The following ITPRIP variants were observed in gnomAD, a reference collection of about 807,000 sequenced individuals.
ITPRIP encodes inositol 1,4,5-trisphosphate receptor interacting protein.
A neutral mutation model predicts 35.8 loss-of-function variants in ITPRIP; 32 were observed. The observed-to-expected ratio is 0.89, with a 90% CI of 0.68 to 1.20. The LOEUF (loss-of-function observed/expected upper bound fraction) is 1.20. Ranked by LOEUF, ITPRIP falls within the 50% of genes most tolerant of loss-of-function variation. The pLI is 0.00. For missense variants in ITPRIP, 653 were observed against 735.6 expected (o/e 0.89, Z 1.30); for synonymous variants, 358 against 324.0 (o/e 1.11, Z -1.13).
In ITPRIP at chr10:104,331,170, G is replaced by A. The variant is rs2014139480; in HGVS notation, c.-14+7076C>T. Among the ~76,000 whole-genome samples, 3 of 152,226 alleles carry A rather than the reference G, an allele frequency of 2.0e-5. 1 individual carries two copies. The highest frequency in any genetic ancestry group is 4.4e-5 in the Non-Finnish European group (3 of 68,032). On this transcript the variant is annotated intron_variant, in intron 1 of 1. Transcript: ENST00000337478. ...GACACTGGCAGGTAGGCATGTGTTG[G>A]GGTGAAATGTCAGGAAGCGGCATGG...
At chr10:104,322,454 C>G (rs1019515089) in intron 1 of ITPRIP, among the ~76,000 whole-genome samples, 8 of 152,348 alleles carry the variant, frequency 5.3e-5, no homozygotes, top group African/African-American at 1.7e-4. Flanking sequence ...CAACTTGTTA[C>G]AAATGCAAAT....
In ITPRIP at chr10:104,313,431, T is replaced by C; in HGVS notation, c.*977A>G. On this transcript the variant is annotated 3_prime_UTR_variant, in exon 2 of 2. Coordinates refer to ENST00000337478, the MANE Select transcript of ITPRIP (RefSeq NM_001272013.2). ...CACAGCCTCTGGGAGTGCCATGGCC[T>C]CAGGTGCCTTGTGGTTGCCAATGAA... is the stretch of plus-strand genomic sequence containing the variant. 1 of 985,912 alleles carries C rather than the reference T, an allele frequency of 1.0e-6. No homozygotes were observed. Among genetic ancestry groups the C allele is most frequent in the Non-Finnish European group, 1.2e-6 (1 of 830,102 alleles). 61.1% of individuals were successfully genotyped at this position (985,912 alleles called of 1,614,324 possible).
At position 104,311,610 on chromosome 10, in the gene ITPRIP, A is replaced by T. The variant is rs905911931; in HGVS notation, c.*2798T>A. The T allele has an allele frequency of 6.6e-6, 1 of 152,206 alleles. No individual in the cohort carries two copies. Among genetic ancestry groups the T allele is most frequent in the African/African-American group, 2.4e-5 (1 of 41,452 alleles). 9.4% of individuals were successfully genotyped at this position (152,206 alleles called of 1,614,324 possible). A position where few individuals can be genotyped will look rare whatever the true frequency, so the allele number is the denominator to read the frequency against. ...TTTGAGGATATAAGGCCCTTCCCCA[A>T]CATAACCAGCCTCTTGGCCTAGGGG... is the stretch of plus-strand genomic sequence containing the variant. On this transcript the variant is annotated 3_prime_UTR_variant, in exon 2 of 2. Coordinates refer to ENST00000337478, the MANE Select transcript of ITPRIP (RefSeq NM_001272013.2).
At chr10:104,327,890 G>A (rs981159989) in intron 1 of ITPRIP, among the ~76,000 whole-genome samples, 8 of 152,324 alleles carry the variant, frequency 5.3e-5, no homozygotes, top group East Asian at 1.9e-4. Context: ...GCCCCGTGTC[G>A]CCCTGGTGTG....
At chr10:104,317,626 T>C (rs2013724887) in intron 1 of ITPRIP, among the ~76,000 whole-genome samples, 1 of 152,184 alleles carries the variant, frequency 6.6e-6, no homozygotes, top group African/African-American at 2.4e-5. Flanking sequence ...TGCAAATCAG[T>C]TGAGGTCCTG....
At chr10:104,325,005 C>T (rs1183824231) in intron 1 of ITPRIP, among the ~76,000 whole-genome samples, 1 of 152,180 alleles carries the variant, frequency 6.6e-6, no homozygotes, top group Non-Finnish European at 1.5e-5. Flanking sequence ...ATCGCCTGAG[C>T]TCAGGAGTTC....
At chr10:104,323,129 G>A (rs561334432) in intron 1 of ITPRIP, among the ~76,000 whole-genome samples, 4 of 152,304 alleles carry the variant, frequency 2.6e-5, no homozygotes, top group African/African-American at 9.6e-5. Flanking sequence ...AGAAGAGGCA[G>A]GCTGGGTATC....
Position 104,313,463 on chromosome 10 carries a change from ATAGAGT to A in ITPRIP, c.*939_*944del. On this transcript the variant is annotated 3_prime_UTR_variant, in exon 2 of 2. Transcript: ENST00000337478. ...CCTTGTGGTTGCCAATGAAGAAGTG[ATAGAGT>A]TTCTTTTCCAGCTGTCCTTTGCCAC... is the stretch of plus-strand genomic sequence containing the variant. 3 of 985,754 alleles carry A rather than the reference ATAGAGT, an allele frequency of 3.0e-6. No homozygotes were observed. Among genetic ancestry groups the A allele is most frequent in the Non-Finnish European group, 3.6e-6 (3 of 830,148 alleles). 61.1% of individuals were successfully genotyped at this position (985,754 alleles called of 1,614,324 possible).
chr10:104,315,387 A>G lies in ITPRIP; in HGVS notation c.665T>C (p.Phe222Ser). Residue 222 changes from phenylalanine (F) to serine (S), a missense_variant, in exon 2 of 2, where the codon TTC becomes TCC. Coordinates refer to ENST00000337478, the MANE Select transcript of ITPRIP (RefSeq NM_001272013.2). The surrounding 1 kb of genome is among the most constrained non-coding windows in gnomAD (Gnocchi z 5.7). The stretch of plus-strand genomic sequence containing the variant: ...GCCGGAGCACCAGAGCTCTGGGTGG[A>G]AGCGGTAGGGCTCGGGGGGTGTGAA... ...VPFTPPEPYR[F>S]HPELWCSGRS... The G allele has an allele frequency of 6.4e-7, 1 of 1,568,488 alleles. No homozygotes were observed. Among genetic ancestry groups the G allele is most frequent in the Non-Finnish European group, 8.7e-7 (1 of 1,154,364 alleles).
At chr10:104,318,306 A>G (rs1280752727) in intron 1 of ITPRIP, among the ~76,000 whole-genome samples, 1 of 152,176 alleles carries the variant, frequency 6.6e-6, no homozygotes, top group East Asian at 1.9e-4. Flanking sequence ...AGTTAACATA[A>G]AGGTGGAGAG....
At chr10:104,325,737 G>A (rs1381646804) in intron 1 of ITPRIP, among the ~76,000 whole-genome samples, 1 of 152,210 alleles carries the variant, frequency 6.6e-6, no homozygotes, top group Non-Finnish European at 1.5e-5. Flanking sequence ...GTGTGCACAC[G>A]CGGACAGCAG....
chr10:104,313,566 TAGTC>T lies in ITPRIP; in HGVS notation c.*838_*841del, dbSNP rs2013544364. 3.3e-5 allele frequency: 33 copies of T among 985,308 alleles called. No homozygotes were observed. The highest frequency in any genetic ancestry group is 3.3e-4 in the South Asian group (7 of 21,282). 61.0% of individuals were successfully genotyped at this position (985,308 alleles called of 1,614,324 possible). On this transcript the variant is annotated 3_prime_UTR_variant, in exon 2 of 2. Transcript: ENST00000337478. ...ATCTGTCCTCCCCCTACCACAATGA[TAGTC>T]AGAAAGACCAGCTTTGGAGAGAATA...
In ITPRIP at chr10:104,315,203, C is replaced by T; in HGVS notation, c.849G>A (p.Met283Ile). The T allele has an allele frequency of 6.2e-7, 1 of 1,614,086 alleles. No individual in the cohort carries two copies. Among genetic ancestry groups the T allele is most frequent in the Non-Finnish European group, 8.5e-7 (1 of 1,179,982 alleles). The part of the protein sequence containing the change: ...RNSMAPPCGD[M>I]ENLLCATDSL... ...AATCTGTGGCACACAGCAGGTTCTC[C>T]ATGTCGCCGCAGGGAGGCGCCATGC... Residue 283 changes from methionine to isoleucine, a missense_variant, in exon 2 of 2, where the codon ATG becomes ATA. Coordinates refer to ENST00000337478, the MANE Select transcript of ITPRIP (RefSeq NM_001272013.2). This position sits in a 1 kb window ranked among gnomAD's most constrained non-coding sequence, Gnocchi z 5.7.
chr10:104,313,664 C>T lies in ITPRIP; in HGVS notation c.*744G>A, dbSNP rs909918370. 28 of 985,284 alleles carry T rather than the reference C, an allele frequency of 2.8e-5. No individual in the cohort carries two copies. Among genetic ancestry groups the T allele is most frequent in the Admixed American group, 1.8e-4 (3 of 16,258 alleles). 61.0% of individuals were successfully genotyped at this position (985,284 alleles called of 1,614,324 possible). ...TACCCACCACGCTCGGGACCCAGTACGTTGGGGAAAGGACAGCAGAAGGGG... is the reference window on the plus strand; with the variant it reads ...TACCCACCACGCTCGGGACCCAGTATGTTGGGGAAAGGACAGCAGAAGGGG... On this transcript the variant is annotated 3_prime_UTR_variant, in exon 2 of 2. Coordinates refer to ENST00000337478, the MANE Select transcript of ITPRIP (RefSeq NM_001272013.2).
intron 1 of ITPRIP, among the ~76,000 whole-genome samples, chr10:104,318,854 G>A (rs1447904596): frequency 6.6e-6 from 1 of 152,258 alleles, no homozygotes; most frequent in East Asian, 1.9e-4. Flanking sequence ...GATAATGCAT[G>A]TAAAGCACTC....
chr10:104,317,693 C>T (rs1589888573), intron 1 of ITPRIP, among the ~76,000 whole-genome samples: 1 of 152,200 alleles, frequency 6.6e-6, no homozygotes, highest in Non-Finnish European at 1.5e-5. Context: ...CTAACACTGG[C>T]TGATAGGAGC....
rs184572239 is a variant in ITPRIP at position 104,326,058 on chromosome 10, G to A, written c.-13-9994C>T. 5.4e-3 allele frequency among the ~76,000 whole-genome samples: 818 copies of A among 152,292 alleles called. 7 individuals carry two copies. Among genetic ancestry groups the A allele is most frequent in the Non-Finnish European group, 8.2e-3 (556 of 68,014 alleles). The stretch of plus-strand genomic sequence containing the variant: ...CCTTTTTTTGCTCCAGCGAGCCTCT[G>A]TTGTCTGCATGTGGACACTCTGGCC... On this transcript the variant is annotated intron_variant, in intron 1 of 1. Transcript: ENST00000337478. The surrounding 1 kb of genome is among the most constrained non-coding windows in gnomAD (Gnocchi z 4.8).
rs887642343 is a variant in ITPRIP, at chr10:104,310,994, G to A, written c.*3414C>T. Reference sequence around the variant, plus strand: ...TCACACTTGGAATAGCTCAGTACTTGGAAGGCCACCTTCTGCTGCCTCTCC... The same window carrying A: ...TCACACTTGGAATAGCTCAGTACTTAGAAGGCCACCTTCTGCTGCCTCTCC... On this transcript the variant is annotated 3_prime_UTR_variant, in exon 2 of 2. Coordinates refer to ENST00000337478, the MANE Select transcript of ITPRIP (RefSeq NM_001272013.2). 1 of 152,276 alleles carries A rather than the reference G, an allele frequency of 6.6e-6. No individual in the cohort carries two copies. The highest frequency in any genetic ancestry group is 2.4e-5 in the African/African-American group (1 of 41,434). The allele number at this position is 152,276 out of a possible 1,614,324, so 9.4% of individuals were successfully genotyped here. A position where few individuals can be genotyped will look rare whatever the true frequency, so the allele number is the denominator to read the frequency against.
intron 1 of ITPRIP, among the ~76,000 whole-genome samples, chr10:104,332,355 T>G (rs2014166003): frequency 6.6e-6 from 1 of 152,144 alleles, no homozygotes; most frequent in Non-Finnish European, 1.5e-5. Flanking sequence ...ATTAGGGCAA[T>G]GACTTTAGCC....
Sources: allele counts gnomAD v4.1 joint callset (sites outside exome capture counted in the v4.1 genomes callset), GRCh38; gene constraint gnomAD v4.1.1; non-coding constraint Gnocchi (gnomAD v3.1); transcripts MANE v1.5; gene names NCBI Gene and HGNC (gene_info 2026-07-23, HGNC 2026-07-21).